The following WDR27 variants were observed in gnomAD, a reference collection of about 807,000 sequenced individuals.
The protein encoded by WDR27 is WD repeat domain 27, also known as WD repeat-containing protein 27.
In WDR27, 100 loss-of-function variants were observed where a neutral mutation model predicts 114.4. That is an observed-to-expected ratio of 0.87 (90% CI 0.74 to 1.03). The LOEUF is 1.03. Among genes scored for constraint, WDR27 ranks in the 50% least tolerant of loss-of-function variants. WDR27 has a pLI of 0.00. For missense variants in WDR27, 1,129 were observed against 1,092.9 expected (o/e 1.03, Z -0.47); for synonymous variants, 449 against 423.1 (o/e 1.06, Z -0.75).
intron 7 of WDR27, 47 bp downstream of exon 7, chr6:169,665,439 G>A (rs567080985): frequency 1.9e-5 from 30 of 1,586,820 alleles, no homozygotes; most frequent in African/African-American, 5.4e-5. Flanking sequence ...ACAAGCTCAC[G>A]TTCAGGCATG....
At chr6:169,647,388 G>A (rs1448367081) in intron 16 of WDR27, among the ~76,000 whole-genome samples, 10 of 152,250 alleles carry the variant, frequency 6.6e-5, no homozygotes, top group Admixed American at 5.9e-4. Flanking sequence ...AGCAGAGGCC[G>A]CGTCTCCAGA....
At chr6:169,624,887 T>G (rs1814393882) in intron 21 of WDR27, among the ~76,000 whole-genome samples, 1 of 152,172 alleles carries the variant, frequency 6.6e-6, no homozygotes, top group Admixed American at 6.5e-5. Flanking sequence ...ACAGGTTCCC[T>G]TGAGTCAGAG....
In WDR27 at chr6:169,553,058, CTGTGTGTGTG is replaced by C. The variant is rs3033612; in HGVS notation, c.2645+19351_2645+19360del. ...GGGAGGTGGGGAGGGCCTGGAGGGC[CTGTGTGTGTG>C]TGTGTGTGTGTGTGTGTGTGTGTGT... is the stretch of plus-strand genomic sequence containing the variant. On this transcript the variant is annotated intron_variant, in intron 25 of 25. Coordinates refer to ENST00000448612, the MANE Select transcript of WDR27 (RefSeq NM_182552.5). Among the ~76,000 whole-genome samples, 82 of 30,164 alleles carry C rather than the reference CTGTGTGTGTG, an allele frequency of 2.7e-3. 1 individual carries two copies. Among genetic ancestry groups the C allele is most frequent in the African/African-American group, 8.1e-3 (78 of 9,624 alleles). 19.8% of individuals were successfully genotyped at this position (30,164 alleles called of 152,430 possible). A position where few individuals can be genotyped will look rare whatever the true frequency, so the allele number is the denominator to read the frequency against.
intron 10 of WDR27, 61 bp downstream of exon 10, chr6:169,660,602 C>T (rs1825799586): frequency 7.2e-7 from 1 of 1,391,544 alleles, no homozygotes; most frequent in Admixed American, 1.7e-5. Context: ...ACTTACACTA[C>T]CCCACATACC....
intron 8 of WDR27, among the ~76,000 whole-genome samples, chr6:169,663,321 A>C (rs1264833105): frequency 7.1e-6 from 1 of 141,810 alleles, no homozygotes; most frequent in Non-Finnish European, 1.5e-5. Flanking sequence ...GTAATTTCAG[A>C]CCTAATATGA....
At chr6:169,625,027 G>C (rs1814443005) in intron 21 of WDR27, among the ~76,000 whole-genome samples, 1 of 152,184 alleles carries the variant, frequency 6.6e-6, no homozygotes, top group Non-Finnish European at 1.5e-5. Context: ...GGCTTCACTT[G>C]GCATCTGGAA....
intron 23 of WDR27, among the ~76,000 whole-genome samples, chr6:169,583,463 TTGTGTG>T (rs150919690): frequency 9.7e-6 from 1 of 103,554 alleles, no homozygotes; most frequent in Non-Finnish European, 1.8e-5. Context: ...TCCTCTTTAA[TTGTGTG>T]TGTGTGTGTG....
intron 24 of WDR27, among the ~76,000 whole-genome samples, chr6:169,579,077 G>C (rs542089341): frequency 6.6e-6 from 1 of 152,146 alleles, no homozygotes; most frequent in African/African-American, 2.4e-5. Context: ...GGTGTCAGTG[G>C]CACCAGACAT....
At chr6:169,697,613 C>G (rs1191132680) in intron 1 of WDR27, among the ~76,000 whole-genome samples, 1 of 152,200 alleles carries the variant, frequency 6.6e-6, no homozygotes, top group Non-Finnish European at 1.5e-5. Context: ...GCTCTGCCTT[C>G]TAGATAGCAG....
intron 17 of WDR27, among the ~76,000 whole-genome samples, chr6:169,639,131 G>A (rs1343258871): frequency 6.8e-6 from 1 of 147,062 alleles, no homozygotes; most frequent in Non-Finnish European, 1.5e-5. Context: ...GCTCGGTACT[G>A]TGTGGTGCTG....
chr6:169,577,346 A>T (rs912641107), intron 24 of WDR27, among the ~76,000 whole-genome samples: 3 of 152,148 alleles, frequency 2.0e-5, no homozygotes, highest in African/African-American at 4.8e-5. Context: ...GCGCCCCCCG[A>T]TGTCCACACC....
chr6:169,526,419 C>T (rs1489711395), intron 25 of WDR27, among the ~76,000 whole-genome samples: 5 of 152,098 alleles, frequency 3.3e-5, no homozygotes, highest in Non-Finnish European at 5.9e-5. Flanking sequence ...TCAAGACCAG[C>T]CTGGCCAACA....
chr6:169,443,609 C>A, the WDR27 span, among the ~76,000 whole-genome samples: 2 of 152,160 alleles, frequency 1.3e-5, no homozygotes, highest in Non-Finnish European at 2.9e-5. Context: ...AATACTAGAG[C>A]TAAGCCAGCA....
chr6:169,662,538 T>C, intron 8 of WDR27, 114 bp from the exon 9 acceptor site: 1 of 1,371,322 alleles, frequency 7.3e-7, no homozygotes, highest in Non-Finnish European at 1.0e-6. Context: ...GTGGAGTCAC[T>C]CGGATCACGC....
chr6:169,699,877 G>A (rs550524382), intron 1 of WDR27, among the ~76,000 whole-genome samples: 1 of 152,262 alleles, frequency 6.6e-6, no homozygotes, highest in South Asian at 2.1e-4. Flanking sequence ...AGCTGCTGGG[G>A]AGGCTGAGGT....
the WDR27 span, among the ~76,000 whole-genome samples, chr6:169,429,082 C>T: frequency 6.6e-6 from 1 of 152,126 alleles, no homozygotes; most frequent in East Asian, 1.9e-4. Flanking sequence ...AGCAGCCCCT[C>T]TCCTGCAGCC....
chr6:169,642,528 G>T (rs1819485237), intron 17 of WDR27, among the ~76,000 whole-genome samples: 1 of 152,172 alleles, frequency 6.6e-6, no homozygotes, highest in Admixed American at 6.5e-5. Flanking sequence ...TAGATATGAG[G>T]TGGGACCAGG....
At chr6:169,489,279 C>A (rs1350258005) in intron 25 of WDR27, among the ~76,000 whole-genome samples, 1 of 152,186 alleles carries the variant, frequency 6.6e-6, no homozygotes, top group Non-Finnish European at 1.5e-5. Context: ...GTGTCTCAAG[C>A]AAGTACTTTT....
chr6:169,430,341 G>A, the WDR27 span, among the ~76,000 whole-genome samples: 1 of 152,214 alleles, frequency 6.6e-6, no homozygotes, highest in Non-Finnish European at 1.5e-5. Flanking sequence ...TAGGCTAGGG[G>A]TATGCTTTGA....
Sources: allele counts gnomAD v4.1 joint callset (sites outside exome capture counted in the v4.1 genomes callset), GRCh38; gene constraint gnomAD v4.1.1; transcripts MANE v1.5; gene names NCBI Gene and HGNC (gene_info 2026-07-23, HGNC 2026-07-21).